Variants in UBAP2 observed in about 807,000 individuals in gnomAD.
UBAP2 encodes ubiquitin associated protein 2.
UBAP2 carries 75 observed loss-of-function variants against 139.6 expected under a neutral mutation model. The observed-to-expected ratio is 0.54, with a 90% CI of 0.45 to 0.65. The LOEUF (loss-of-function observed/expected upper bound fraction) is 0.65. Among genes scored for constraint, UBAP2 ranks in the 30% least tolerant of loss-of-function variants. The probability of loss-of-function intolerance (pLI) is 0.00; values close to 1 mark genes in which losing one functional copy is unlikely to be tolerated. For synonymous variants in UBAP2, 526 were observed against 526.2 expected, an observed-to-expected ratio of 1.00 and a Z score of 0.01; for missense variants, 1,368 against 1,369.6, an observed-to-expected ratio of 1.00 and a Z score of 0.02.
chr9:34,046,795 T>G (rs1036780554), intron 1 of UBAP2, among the ~76,000 whole-genome samples: 2 of 151,940 alleles, frequency 1.3e-5, no homozygotes, highest in African/African-American at 4.8e-5. Context: ...CATATTGAAA[T>G]AAACCTATTA....
chr9:34,002,311 C>A (rs1363106241), intron 2 of UBAP2, among the ~76,000 whole-genome samples: 1 of 151,634 alleles, frequency 6.6e-6, no homozygotes, highest in African/African-American at 2.4e-5. Context: ...GAATCACTCA[C>A]AGACACAATT....
intron 2 of UBAP2, among the ~76,000 whole-genome samples, chr9:34,005,590 T>A (rs1045013235): frequency 6.6e-6 from 1 of 152,000 alleles, no homozygotes; most frequent in African/African-American, 2.4e-5. Flanking sequence ...ATATAAAACT[T>A]AACAATTAAT....
At chr9:34,029,237 T>C (rs57755725) in intron 1 of UBAP2, among the ~76,000 whole-genome samples, 1 of 151,682 alleles carries the variant, frequency 6.6e-6, no homozygotes, top group African/African-American at 2.4e-5. Flanking sequence ...CCTAAAAATG[T>C]GTACATAGGG....
chr9:33,935,910 C>T, intron 16 of UBAP2, 32 bp from the exon 17 acceptor site: 1 of 1,601,460 alleles, frequency 6.2e-7, no homozygotes. Flanking sequence ...AGAATATAAA[C>T]TTACAAAATG....
chr9:34,004,283 C>A (rs912525388), intron 2 of UBAP2, among the ~76,000 whole-genome samples: 1 of 152,008 alleles, frequency 6.6e-6, no homozygotes, highest in Non-Finnish European at 1.5e-5. Flanking sequence ...ATTTTTATTT[C>A]TTAGCTCACT....
At chr9:33,969,823 G>A (rs1827772438) in intron 8 of UBAP2, among the ~76,000 whole-genome samples, 1 of 148,098 alleles carries the variant, frequency 6.8e-6, no homozygotes, top group Admixed American at 6.7e-5. Flanking sequence ...CCAAGATCGT[G>A]CCATTGCACT....
chr9:34,012,733 G>C (rs1823866448), intron 2 of UBAP2, among the ~76,000 whole-genome samples: 1 of 151,716 alleles, frequency 6.6e-6, no homozygotes, highest in Non-Finnish European at 1.5e-5. Context: ...GAAGAGAACA[G>C]GATAAAGTAG....
At position 33,923,441 on chromosome 9, in the gene UBAP2, A is replaced by C; in HGVS notation, c.2834T>G (p.Leu945Arg). 1 of 1,614,030 alleles carries C rather than the reference A, an allele frequency of 6.2e-7. No individual in the cohort carries two copies. Among genetic ancestry groups the C allele is most frequent in the Non-Finnish European group, 8.5e-7 (1 of 1,179,994 alleles). ...PASAKQHGVN[L>R]STPTPPFQQA... is the part of the protein sequence containing the mutation. Reference sequence around the variant, plus strand: ...CTGGAAGGGAGGTGTGGGAGTGCTGAGGTTCACCCCATGTTGCTTGGCTGA... The same window carrying C: ...CTGGAAGGGAGGTGTGGGAGTGCTGCGGTTCACCCCATGTTGCTTGGCTGA... The change falls in exon 25 of 29, where the codon CTC (leucine) becomes CGC (arginine). Residue 945 changes from leucine (L) to arginine (R), a missense_variant. By Grantham distance (102) the Leu-to-Arg change is moderately radical. Transcript: ENST00000379238.
intron 16 of UBAP2, among the ~76,000 whole-genome samples, chr9:33,937,601 A>C (rs1206903241): frequency 1.4e-5 from 1 of 69,190 alleles, no homozygotes; most frequent in Non-Finnish European, 3.6e-5. Context: ...CTCTGTCTCA[A>C]AAAAAAAAAA....
chr9:33,954,195 C>A (rs572603174), intron 11 of UBAP2, among the ~76,000 whole-genome samples: 21 of 151,656 alleles, frequency 1.4e-4, no homozygotes, highest in African/African-American at 5.1e-4. Context: ...GCGTGAGCCA[C>A]CCTACCTGGC....
chr9:33,933,684 C>T (rs765481904), intron 17 of UBAP2, 56 bp from the exon 18 acceptor site: 1 of 1,593,306 alleles, frequency 6.3e-7, no homozygotes, highest in Non-Finnish European at 8.6e-7. Context: ...AAAACCAATC[C>T]TAAGTGCCTG....
At position 33,927,866 on chromosome 9, in the gene UBAP2, G is replaced by A; in HGVS notation, c.2302C>T (p.Leu768Phe). 6.2e-7 allele frequency: 1 copy of A among 1,614,212 alleles called. No individual in the cohort carries two copies. The highest frequency in any genetic ancestry group is 8.5e-7 in the Non-Finnish European group (1 of 1,180,030). Residue 768 changes from leucine to phenylalanine, a missense_variant, in exon 20 of 29, where the codon CTC becomes TTC. Transcript: ENST00000379238. Reference sequence around the variant, plus strand: ...CTCGCGGGGGTCCCACCCAGACAGAGGCTGTTCGCGGTGTTCATGCTACTG... The same window carrying A: ...CTCGCGGGGGTCCCACCCAGACAGAAGCTGTTCGCGGTGTTCATGCTACTG... ...LSSSMNTANS[L>F]CLGGTPASAS...
intron 8 of UBAP2, among the ~76,000 whole-genome samples, chr9:33,970,314 C>T (rs535922548): frequency 1.3e-5 from 2 of 152,186 alleles, no homozygotes; most frequent in Admixed American, 6.5e-5. Context: ...TTTCAAATAA[C>T]AACTTATAAA....
rs568400703 is a variant in UBAP2, at chr9:33,944,362, C to A, written c.1545+3G>T. The A allele has an allele frequency of 3.7e-5, 60 of 1,609,216 alleles. No individual in the cohort carries two copies. In the South Asian group the frequency reaches 6.4e-4, roughly 17 times the overall value. On this transcript the variant is annotated splice_donor_region_variant and intron_variant, in intron 14 of 28. Transcript: ENST00000379238. ...GACGGTGACTTCATGATGAAATGCC[C>A]ACCTTAGAAGCTGGGGGTATCCGCC...
chr9:33,935,177 C>T (rs951392426), intron 17 of UBAP2: 1 of 87,096 alleles, frequency 1.1e-5, no homozygotes, highest in African/African-American at 3.8e-5. Context: ...GGGGGGGGGT[C>T]TCATTTTCTC....
intron 12 of UBAP2, among the ~76,000 whole-genome samples, chr9:33,950,134 C>T (rs1365353363): frequency 2.0e-5 from 3 of 152,150 alleles, no homozygotes; most frequent in African/African-American, 4.8e-5. Context: ...GGCGCGATCT[C>T]GGCTCACTGC....
Position 33,933,528 on chromosome 9 carries a change from A to G in UBAP2, c.2070T>C (p.Thr690=). The G allele has an allele frequency of 6.2e-7, 1 of 1,613,978 alleles. No individual in the cohort carries two copies. Among genetic ancestry groups the G allele is most frequent in the South Asian group, 1.1e-5 (1 of 91,086 alleles). The change falls in exon 18 of 29, where the codon ACT becomes ACC. Residue 690 remains threonine (T), a synonymous_variant. Coordinates refer to ENST00000379238, the MANE Select transcript of UBAP2 (RefSeq NM_001370062.2). ...TALLPSTSQH[T]GDLTSSPLSQ... ...AGAGAGGGCTGCTAGTCAGGTCGCC[A>G]GTGTGCTGGGATGTGGACGGCAGAA...
chr9:34,008,318 CAAA>C (rs35956096), intron 2 of UBAP2, among the ~76,000 whole-genome samples: 19 of 112,996 alleles, frequency 1.7e-4, no homozygotes, highest in South Asian at 3.2e-4. Context: ...AACTCCGTCT[CAAA>C]AAAAAAAAAA....
At chr9:34,003,515 CCAGCCT>C (rs991203303) in intron 2 of UBAP2, among the ~76,000 whole-genome samples, 18 of 151,754 alleles carry the variant, frequency 1.2e-4, no homozygotes, top group African/African-American at 4.4e-4. Context: ...AAGCGATTCT[CCAGCCT>C]CAGCCTCCCC....
Sources: allele counts gnomAD v4.1 joint callset (sites outside exome capture counted in the v4.1 genomes callset), GRCh38; gene constraint gnomAD v4.1.1; transcripts MANE v1.5; gene names NCBI Gene and HGNC (gene_info 2026-07-23, HGNC 2026-07-21).